Variants in ANXA5 observed in about 807,000 individuals in gnomAD.
ANXA5 encodes the protein CBP-I.
ANXA5 carries 40 observed loss-of-function variants against 48.1 expected under a neutral mutation model. The observed-to-expected ratio is 0.83, with a 90% CI of 0.65 to 1.08. The LOEUF is 1.08. Ranked by LOEUF, ANXA5 falls within the 50% of genes least tolerant of loss-of-function variation. The pLI, the probability that ANXA5 is intolerant of heterozygous loss-of-function variation, is 0.00. For synonymous variants in ANXA5, 113 were observed against 129.1 expected (o/e 0.88, Z 0.85); for missense variants, 357 against 376.8 (o/e 0.95, Z 0.44).
intron 12 of ANXA5, 111 bp from the exon 13 acceptor site, chr4:121,668,638 G>T: frequency 1.2e-6 from 1 of 862,546 alleles, no homozygotes; most frequent in Non-Finnish European, 1.9e-6. Flanking sequence ...TCCCAAGTGG[G>T]TAATCTCTGT....
chr4:121,682,014 C>A (rs143746217), intron 5 of ANXA5, among the ~76,000 whole-genome samples: 2 of 151,982 alleles, frequency 1.3e-5, no homozygotes, highest in African/African-American at 4.8e-5. Flanking sequence ...TATATGTGTA[C>A]GTATACATAA....
chr4:121,673,437 C>A (rs1038447443), intron 8 of ANXA5, among the ~76,000 whole-genome samples: 1 of 152,118 alleles, frequency 6.6e-6, no homozygotes, highest in African/African-American at 2.4e-5. Flanking sequence ...CATATTAAAG[C>A]AAGATGAATG....
chr4:121,694,509 C>G (rs1042569148), intron 2 of ANXA5, among the ~76,000 whole-genome samples: 5 of 151,484 alleles, frequency 3.3e-5, no homozygotes, highest in South Asian at 2.1e-4. Context: ...CTCAGCCTCC[C>G]GAGTAGCTGG....
chr4:121,671,160 T>C (rs2110479016), intron 10 of ANXA5, among the ~76,000 whole-genome samples: 1 of 152,322 alleles, frequency 6.6e-6, no homozygotes. Flanking sequence ...CAGATGACAA[T>C]TTCTTAGTCT....
intron 6 of ANXA5, 75 bp downstream of exon 6, chr4:121,681,596 G>A: frequency 2.1e-6 from 2 of 971,216 alleles, no homozygotes; most frequent in South Asian, 1.4e-5. Context: ...TACCTACAAA[G>A]GACTGCATTC....
chr4:121,680,830 A>G (rs984338313), intron 6 of ANXA5, among the ~76,000 whole-genome samples: 1 of 152,236 alleles, frequency 6.6e-6, no homozygotes, highest in African/African-American at 2.4e-5. Flanking sequence ...GAAGCAGGAA[A>G]GAGAGATTCA....
At chr4:121,696,836 C>A (rs1425685028) in intron 1 of ANXA5, 27 bp downstream of exon 1, 1 of 362,600 alleles carries the variant, frequency 2.8e-6, no homozygotes, top group East Asian at 4.0e-5. Flanking sequence ...CCAGAAGGAG[C>A]CCCCTCCCCG....
At chr4:121,673,392 T>G (rs1289312091) in intron 8 of ANXA5, among the ~76,000 whole-genome samples, 1 of 152,238 alleles carries the variant, frequency 6.6e-6, no homozygotes, top group East Asian at 1.9e-4. Flanking sequence ...TTACAATGAC[T>G]GTACTATCCT....
At chr4:121,694,110 A>C (rs998160544) in intron 2 of ANXA5, among the ~76,000 whole-genome samples, 631 of 6,974 alleles carry the variant, frequency 0.09, 24 homozygotes, top group African/African-American at 0.27. Context: ...GGCGGGGGGG[A>C]GGGGGGAGGG....
intron 9 of ANXA5, 34 bp downstream of exon 9, chr4:121,672,499 A>G: frequency 1.3e-6 from 2 of 1,498,490 alleles, no homozygotes; most frequent in Non-Finnish European, 1.9e-6. Context: ...AAATTTACCA[A>G]TGTATCTGCC....
intron 3 of ANXA5, 148 bp from the exon 4 acceptor site, chr4:121,684,919 T>A (rs1724856402): frequency 1.7e-6 from 1 of 602,258 alleles, no homozygotes; most frequent in Non-Finnish European, 2.9e-6. Context: ...GTGGCTCACA[T>A]CTGTAATCCT....
intron 8 of ANXA5, among the ~76,000 whole-genome samples, chr4:121,677,362 G>A (rs895260090): frequency 1.3e-5 from 2 of 152,078 alleles, no homozygotes; most frequent in African/African-American, 4.8e-5. Flanking sequence ...CTTTATAGGG[G>A]TTTATAAGTC....
chr4:121,690,896 T>C (rs565037932), intron 2 of ANXA5, among the ~76,000 whole-genome samples: 1 of 152,298 alleles, frequency 6.6e-6, no homozygotes, highest in Non-Finnish European at 1.5e-5. Context: ...CGTAGCGGTA[T>C]TAAGAGACCA....
At chr4:121,683,585 T>A in intron 4 of ANXA5, 108 bp from the exon 5 acceptor site, 2 of 620,690 alleles carry the variant, frequency 3.2e-6, no homozygotes, top group Non-Finnish European at 2.8e-6. Flanking sequence ...TGTTGCTGTC[T>A]CCAAGTAGAA....
chr4:121,680,357 C>T (rs1226561493), intron 6 of ANXA5, among the ~76,000 whole-genome samples: 1 of 152,134 alleles, frequency 6.6e-6, no homozygotes, highest in East Asian at 1.9e-4. Context: ...AACTCTGCTG[C>T]ATGTGTGATT....
rs79655135 is a variant in ANXA5 at position 121,689,770 on chromosome 4, C to T, written c.10-3398G>A. Among the ~76,000 whole-genome samples the T allele has an allele frequency of 9.9e-4, 150 of 152,252 alleles. 1 individual carries two copies. In the East Asian group the frequency reaches 0.026, roughly 26 times the overall value. On this transcript the variant is annotated intron_variant, in intron 2 of 12. Transcript: ENST00000296511. ...GCAGGGAAGAACAATGTCAACTCTG[C>T]ACAGCAAGATGGAACCGACTGTGCA...
intron 6 of ANXA5, 47 bp downstream of exon 6, chr4:121,681,624 G>C: frequency 7.8e-7 from 1 of 1,283,548 alleles, no homozygotes; most frequent in Non-Finnish European, 1.1e-6. Flanking sequence ...AGAAATGAAG[G>C]AAGTGATAGT....
At chr4:121,695,207 GAGA>G (rs1354993272) in intron 2 of ANXA5, among the ~76,000 whole-genome samples, 6 of 152,290 alleles carry the variant, frequency 3.9e-5, no homozygotes, top group African/African-American at 1.4e-4. Context: ...CCTTTCTATG[GAGA>G]AGAACTTAAA....
At chr4:121,694,086 C>A (rs138578295) in intron 2 of ANXA5, among the ~76,000 whole-genome samples, 3 of 101,572 alleles carry the variant, frequency 3.0e-5, no homozygotes, top group Non-Finnish European at 5.8e-5. Flanking sequence ...ACACCCACAC[C>A]GGGGCCTATT....
Sources: allele counts gnomAD v4.1 joint callset (sites outside exome capture counted in the v4.1 genomes callset), GRCh38; gene constraint gnomAD v4.1.1; transcripts MANE v1.5; gene names NCBI Gene and HGNC (gene_info 2026-07-23, HGNC 2026-07-21).